Variants in GLOD4 observed in about 807,000 individuals in gnomAD.
The protein encoded by GLOD4 is glyoxalase domain-containing protein 4.
In GLOD4, 44 loss-of-function variants were observed where a neutral mutation model predicts 39.1. That is an observed-to-expected ratio of 1.13 (90% confidence interval 0.88 to 1.45). The LOEUF (loss-of-function observed/expected upper bound fraction) is 1.45, where lower values mean the gene tolerates loss of function less well. Ranked by LOEUF, GLOD4 falls within the 40% of genes most tolerant of loss-of-function variation. The probability of loss-of-function intolerance (pLI) is 0.00; values close to 1 mark genes in which losing one functional copy is unlikely to be tolerated. For missense variants in GLOD4, 405 were observed against 366.4 expected, an observed-to-expected ratio of 1.11 and a Z score of -0.86; for synonymous variants, 145 against 135.0, an observed-to-expected ratio of 1.07 and a Z score of -0.52.
Position 775,825 on chromosome 17 carries a change from G to A in GLOD4, c.356C>T (p.Ala119Val), listed in dbSNP as rs147622792. ...CAAATAGAACTTATATCCTCCCGGGGCCTCGGTTTCAAAAACACCTTCTGC... is the reference window on the plus strand; with the variant it reads ...CAAATAGAACTTATATCCTCCCGGGACCTCGGTTTCAAAAACACCTTCTGC... ...EVAEGVFETE[A>V]PGGYKFYLQN... Residue 119 changes from alanine to valine, a missense_variant, in exon 4 of 9, where the codon GCC becomes GTC. Ala to Val is a moderately conservative substitution (Grantham distance 64). Coordinates refer to ENST00000301329, the MANE Select transcript of GLOD4 (RefSeq NM_016080.4). The A allele has an allele frequency of 6.2e-7, 1 of 1,613,818 alleles. No homozygotes were observed. Among genetic ancestry groups the A allele is most frequent in the Non-Finnish European group, 8.5e-7 (1 of 1,179,720 alleles).
upstream of GLOD4, chr17:782,411 C>T (rs1418571702): frequency 6.2e-6 from 10 of 1,613,838 alleles, no homozygotes; most frequent in East Asian, 2.2e-5. Context: ...CGAGGTTTGT[C>T]GTGCGACCGT....
Position 760,113 on chromosome 17 carries a change from G to T in GLOD4, c.*60C>A. 1.1e-6 allele frequency: 1 copy of T among 940,428 alleles called. No homozygotes were observed. The highest frequency in any genetic ancestry group is 1.8e-6 in the Non-Finnish European group (1 of 566,408). The allele number at this position is 940,428 out of a possible 1,614,324, so 58.3% of individuals were successfully genotyped here. On this transcript the variant is annotated 3_prime_UTR_variant, in exon 9 of 9. Coordinates refer to ENST00000301329, the MANE Select transcript of GLOD4 (RefSeq NM_016080.4). ...AAGAGCATTTATTGGGAACTGACAC[G>T]TCAGGCCTCACAGGTGCTGGGCAGG...
chr17:768,223 T>A (rs71357110), intron 8 of GLOD4, among the ~76,000 whole-genome samples: 343 of 81,900 alleles, frequency 4.2e-3, no homozygotes, highest in Middle Eastern at 0.02. Flanking sequence ...AGAGGATGTG[T>A]GAGAGAGAAA....
upstream of GLOD4, chr17:782,409 G>A: frequency 6.2e-7 from 1 of 1,613,898 alleles, no homozygotes; most frequent in Non-Finnish European, 8.5e-7. Flanking sequence ...CGCGAGGTTT[G>A]TCGTGCGACC....
chr17:775,406 G>A (rs936941546), intron 4 of GLOD4, among the ~76,000 whole-genome samples: 24 of 152,200 alleles, frequency 1.6e-4, no homozygotes, highest in East Asian at 3.8e-4. Context: ...ACAACAGAAC[G>A]TAGAAAGAGA....
intron 8 of GLOD4, among the ~76,000 whole-genome samples, chr17:768,012 C>G (rs626958): frequency 2.6e-4 from 36 of 140,948 alleles, no homozygotes; most frequent in Middle Eastern, 5.0e-3. Flanking sequence ...AGAGAAACAG[C>G]GCGCACTCAG....
At chr17:780,640 G>C (rs948192339) in intron 1 of GLOD4, 2 of 151,662 alleles carry the variant, frequency 1.3e-5, no homozygotes, top group African/African-American at 4.8e-5. Context: ...CTACTCGGGA[G>C]GCTGAGGCAG....
chr17:782,233 T>C lies in GLOD4; in HGVS notation c.23A>G (p.His8Arg), dbSNP rs762984020. Residue 8 changes from histidine (H) to arginine (R), a missense_variant, in exon 1 of 9, where the codon CAC (histidine) becomes CGC (arginine). Coordinates refer to ENST00000301329, the MANE Select transcript of GLOD4 (RefSeq NM_016080.4). Reference protein sequence around the residue: MAARRALHFVFKVGNRFQ... With the variant: MAARRALRFVFKVGNRFQ... Reference sequence around the variant, plus strand: ...GCGGTTTCCCACTTTGAATACGAAGTGCAGAGCTCTGCGAGCAGCCATGAT... The same window carrying C: ...GCGGTTTCCCACTTTGAATACGAAGCGCAGAGCTCTGCGAGCAGCCATGAT... 21 of 1,613,482 alleles carry C rather than the reference T, an allele frequency of 1.3e-5. No individual in the cohort carries two copies. The highest frequency in any genetic ancestry group is 1.5e-5 in the Non-Finnish European group (18 of 1,179,770).
At position 778,751 on chromosome 17, in the gene GLOD4, T is replaced by TA; in HGVS notation, c.91-8_91-7insT. On this transcript the variant is annotated splice_region_variant and splice_polypyrimidine_tract_variant and intron_variant, in intron 1 of 8. Coordinates refer to ENST00000301329, the MANE Select transcript of GLOD4 (RefSeq NM_016080.4). ...ATTCCTCATGCCGCAGAACCTGGTG[T>TA]GAGATTTAGAATAAATTGTGAAGTG... The TA allele has an allele frequency of 6.3e-7, 1 of 1,584,168 alleles. No individual in the cohort carries two copies. The highest frequency in any genetic ancestry group is 1.3e-5 in the African/African-American group (1 of 74,428).
chr17:780,142 C>A (rs1429586756), intron 1 of GLOD4, among the ~76,000 whole-genome samples: 2 of 151,432 alleles, frequency 1.3e-5, no homozygotes, highest in South Asian at 2.1e-4. Context: ...CCAGCCTGGG[C>A]GAAAGAGCGA....
intron 8 of GLOD4, among the ~76,000 whole-genome samples, chr17:769,468 GA>G (rs1258456602): frequency 1.3e-5 from 2 of 149,624 alleles, no homozygotes; most frequent in Non-Finnish European, 3.0e-5. Context: ...GGGGAGAGCT[GA>G]GGGGGTCAGA....
Position 769,956 on chromosome 17 carries a change from C to G in GLOD4, c.745-1G>C. 1 of 1,604,568 alleles carries G rather than the reference C, an allele frequency of 6.2e-7. No individual in the cohort carries two copies. The highest frequency in any genetic ancestry group is 1.3e-5 in the African/African-American group (1 of 74,818). ...CGACAAAGCAAATTTCATGTCCGTC[C>G]TACACCAATAAAGAGAAAAGACACC... is the stretch of plus-strand genomic sequence containing the variant. On this transcript the variant is annotated splice_acceptor_variant, in intron 7 of 8. Transcript: ENST00000301329. LOFTEE classifies it high-confidence loss of function.
chr17:771,281 G>A, intron 5 of GLOD4, 44 bp downstream of exon 5: 2 of 1,374,604 alleles, frequency 1.5e-6, no homozygotes, highest in Middle Eastern at 1.8e-4. Context: ...TCGTTTACAA[G>A]CCAAATTCAA....
At chr17:777,641 CA>C (rs199643028) in intron 2 of GLOD4, 35 of 142,440 alleles carry the variant, frequency 2.5e-4, no homozygotes, top group Non-Finnish European at 2.8e-4. Flanking sequence ...GATTCTGTCT[CA>C]AAAAAAAAAA....
At position 770,080 on chromosome 17, in the gene GLOD4, C is replaced by T; in HGVS notation, c.708G>A (p.Gly236=). The change falls in exon 7 of 9, where the codon GGG becomes GGA. Residue 236 remains glycine (G), a synonymous_variant. Transcript: ENST00000301329. ...LTPLVSLDTP[G]KATVQVVILA... Reference sequence around the variant, plus strand: ...GAATGACCACCTGTACTGTTGCTTTCCCTGGGGTGTCCAGGCTCACCAGGG... The same window carrying T: ...GAATGACCACCTGTACTGTTGCTTTTCCTGGGGTGTCCAGGCTCACCAGGG... 1.2e-6 allele frequency: 2 copies of T among 1,612,556 alleles called. No homozygotes were observed. Among genetic ancestry groups the T allele is most frequent in the South Asian group, 1.1e-5 (1 of 91,030 alleles).
chr17:774,796 C>G (rs1020957890), intron 4 of GLOD4, among the ~76,000 whole-genome samples: 25 of 152,090 alleles, frequency 1.6e-4, no homozygotes, highest in African/African-American at 5.8e-4. Context: ...GGGCCGGGCA[C>G]GGTGGTTCAC....
At chr17:780,656 T>A (rs1282404733) in intron 1 of GLOD4, 2 of 145,810 alleles carry the variant, frequency 1.4e-5, no homozygotes, top group African/African-American at 5.1e-5. Context: ...GGCAGGAGAA[T>A]GGTGTGAACC....
intron 8 of GLOD4, among the ~76,000 whole-genome samples, chr17:765,480 G>A (rs1906352750): frequency 1.3e-5 from 2 of 150,126 alleles, no homozygotes; most frequent in Non-Finnish European, 1.5e-5. Context: ...AAAACACTTT[G>A]GGATGAGACA....
chr17:775,106 TAAA>T (rs60310367), intron 4 of GLOD4, among the ~76,000 whole-genome samples: 2 of 87,286 alleles, frequency 2.3e-5, no homozygotes, highest in Non-Finnish European at 2.4e-5. Context: ...ATAAAAATAC[TAAA>T]AAAAAAAAAA....
Sources: allele counts gnomAD v4.1 joint callset (sites outside exome capture counted in the v4.1 genomes callset), GRCh38; gene constraint gnomAD v4.1.1; transcripts MANE v1.5; gene names NCBI Gene and HGNC (gene_info 2026-07-23, HGNC 2026-07-21).